CAMTA1: variants seen among roughly 807,000 people sequenced by gnomAD.
CAMTA1 encodes calmodulin-binding transcription activator 1.
Under a neutral mutation model 170.9 loss-of-function variants are expected in CAMTA1, and 27 were observed. The ratio of observed to expected loss-of-function variants is 0.16; its 90% CI spans 0.12 to 0.22. The LOEUF (loss-of-function observed/expected upper bound fraction) is 0.22, where lower values mean the gene tolerates loss of function less well. Among genes scored for constraint, CAMTA1 ranks in the 10% least tolerant of loss-of-function variants. The pLI is 1.00. For synonymous variants in CAMTA1, 833 were observed against 891.5 expected (o/e 0.93, Z 1.17); for missense variants, 1,619 against 2,217.2 (o/e 0.73, Z 5.42).
chr1:7,663,970 A>C lies in CAMTA1; in HGVS notation c.1423A>C (p.Lys475Gln). The C allele has an allele frequency of 1.2e-6, 2 of 1,613,868 alleles. No homozygotes were observed. Among genetic ancestry groups the C allele is most frequent in the Non-Finnish European group, 1.7e-6 (2 of 1,180,032 alleles). The change falls in exon 9 of 23, where the codon AAG becomes CAG. Residue 475 changes from lysine to glutamine, a missense_variant. Physicochemically the swap from Lys to Gln is moderately conservative, Grantham distance 53 (BLOSUM62 1). This residue lies in a region of CAMTA1 where 731 missense variants were observed against 907.6 expected (regional missense o/e 0.81). Coordinates refer to ENST00000303635, the MANE Select transcript of CAMTA1 (RefSeq NM_015215.4). ...CTCCACCACCCTCGACGGTGGCCGG[A>C]AGATTCCAGAAACCACCATGAACTT... Reference protein sequence around the residue: ...VLSTTLDGGRKIPETTMNFDP... With the variant: ...VLSTTLDGGRQIPETTMNFDP...
chr1:7,172,760 G>A (rs1339943642), intron 4 of CAMTA1, among the ~76,000 whole-genome samples: 1 of 152,196 alleles, frequency 6.6e-6, no homozygotes, highest in Non-Finnish European at 1.5e-5. Context: ...CAGAAAGAAG[G>A]ACATTTGCTT....
Position 7,134,408 on chromosome 1 carries a change from C to T in CAMTA1, c.302+43037C>T, listed in dbSNP as rs558483419. On this transcript the variant is annotated intron_variant, in intron 4 of 22. Coordinates refer to ENST00000303635, the MANE Select transcript of CAMTA1 (RefSeq NM_015215.4). ...TTCTTGGGCTCCAGCAATCCTCCAC[C>T]TCAGCCTCCCAAGTAGCTGAAACTA... is the stretch of plus-strand genomic sequence containing the variant. 9.2e-5 allele frequency among the ~76,000 whole-genome samples: 14 copies of T among 152,322 alleles called. No individual in the cohort carries two copies. In the East Asian group the frequency reaches 2.7e-3, roughly 29 times the overall value.
chr1:7,498,934 T>C (rs1347721848), intron 6 of CAMTA1, among the ~76,000 whole-genome samples: 1 of 130,292 alleles, frequency 7.7e-6, no homozygotes, highest in Non-Finnish European at 1.6e-5. Flanking sequence ...AGTGTGTGTG[T>C]GCATGTGTGT....
intron 4 of CAMTA1, among the ~76,000 whole-genome samples, chr1:7,152,145 G>C (rs1341051482): frequency 6.6e-6 from 1 of 152,170 alleles, no homozygotes; most frequent in East Asian, 1.9e-4. Flanking sequence ...CATTAGCTCT[G>C]ACCTCAGCAT....
At chr1:7,271,309 C>T (rs1024554950) in intron 5 of CAMTA1, among the ~76,000 whole-genome samples, 2 of 152,132 alleles carry the variant, frequency 1.3e-5, no homozygotes, top group African/African-American at 4.8e-5. Context: ...TCATCAGAAA[C>T]AAATTTGCTG....
At chr1:7,744,496 G>A (rs1300712906) in intron 16 of CAMTA1, among the ~76,000 whole-genome samples, 2 of 152,110 alleles carry the variant, frequency 1.3e-5, no homozygotes, top group Non-Finnish European at 2.9e-5. Flanking sequence ...AACTAATAGT[G>A]ACACCTCATT....
intron 6 of CAMTA1, among the ~76,000 whole-genome samples, chr1:7,564,318 G>T (rs2095005608): frequency 6.6e-6 from 1 of 152,250 alleles, no homozygotes; most frequent in South Asian, 2.1e-4. Flanking sequence ...CCCGGAGACG[G>T]CGTGCTGTCT....
At chr1:7,625,272 G>C (rs2095625854) in intron 6 of CAMTA1, among the ~76,000 whole-genome samples, 1 of 152,232 alleles carries the variant, frequency 6.6e-6, no homozygotes, top group Non-Finnish European at 1.5e-5. Context: ...GGGGAGACTG[G>C]GGCGGTGGCC....
chr1:7,461,300 C>T (rs1183480465), intron 5 of CAMTA1, among the ~76,000 whole-genome samples: 1 of 152,130 alleles, frequency 6.6e-6, no homozygotes, highest in Non-Finnish European at 1.5e-5. Context: ...AGATCGTGGC[C>T]CCTGGGGTCC....
At chr1:7,686,746 G>A (rs929897268) in intron 11 of CAMTA1, among the ~76,000 whole-genome samples, 12 of 152,276 alleles carry the variant, frequency 7.9e-5, no homozygotes, top group East Asian at 1.9e-4. Flanking sequence ...GGCAAGAGGC[G>A]ATTGTGGCTC....
intron 6 of CAMTA1, among the ~76,000 whole-genome samples, chr1:7,530,927 G>T (rs2094485750): frequency 6.8e-6 from 1 of 146,836 alleles, no homozygotes; most frequent in Non-Finnish European, 1.5e-5. Flanking sequence ...CAATTCTCCT[G>T]CCTCAGCCTC....
chr1:7,329,319 G>A (rs1036402968), intron 5 of CAMTA1, among the ~76,000 whole-genome samples: 17 of 152,062 alleles, frequency 1.1e-4, no homozygotes, highest in African/African-American at 4.1e-4. Context: ...TTAATATTTT[G>A]ACCAATTAAG....
At chr1:7,444,857 C>T (rs2092638912) in intron 5 of CAMTA1, among the ~76,000 whole-genome samples, 1 of 152,206 alleles carries the variant, frequency 6.6e-6, no homozygotes, top group Admixed American at 6.5e-5. Context: ...ACTTGTTCAA[C>T]AAGCAATTGA....
At chr1:7,121,741 G>A (rs1644655177) in intron 4 of CAMTA1, among the ~76,000 whole-genome samples, 1 of 152,146 alleles carries the variant, frequency 6.6e-6, no homozygotes, top group East Asian at 1.9e-4. Context: ...AGTTCTGGCA[G>A]CCCTCCAGAG....
chr1:6,972,979 G>A (rs1692796464), intron 3 of CAMTA1, among the ~76,000 whole-genome samples: 1 of 152,066 alleles, frequency 6.6e-6, no homozygotes, highest in South Asian at 2.1e-4. Context: ...AGCCTCCCAA[G>A]TAGCTGGGAT....
chr1:6,881,921 C>T (rs955911430), intron 3 of CAMTA1, among the ~76,000 whole-genome samples: 10 of 151,958 alleles, frequency 6.6e-5, no homozygotes, highest in African/African-American at 2.4e-4. Flanking sequence ...GAGTGGAGAT[C>T]GCACCACTGC....
intron 5 of CAMTA1, among the ~76,000 whole-genome samples, chr1:7,349,416 A>G (rs1467047737): frequency 6.6e-6 from 1 of 152,192 alleles, no homozygotes; most frequent in African/African-American, 2.4e-5. Flanking sequence ...CTGTCCCTCC[A>G]TATCCCAGAC....
At chr1:7,170,637 C>T (rs896121344) in intron 4 of CAMTA1, among the ~76,000 whole-genome samples, 5 of 152,146 alleles carry the variant, frequency 3.3e-5, no homozygotes, top group Admixed American at 6.5e-5. Context: ...CTGGAAAGGA[C>T]ATGAACTCAT....
At chr1:6,946,188 CT>C (rs58150091) in intron 3 of CAMTA1, among the ~76,000 whole-genome samples, 146 of 145,488 alleles carry the variant, frequency 1.0e-3, no homozygotes, top group Middle Eastern at 3.5e-3. Context: ...TCTTTCTCTT[CT>C]TTTTTTTTTT....
Sources: gnomAD v4.1 joint callset for allele counts (sites outside exome capture counted in the v4.1 genomes callset) on GRCh38, gnomAD v4.1.1 for gene constraint, gnomAD v4.1.1 regional missense constraint, MANE v1.5 for transcripts, NCBI Gene and HGNC (gene_info 2026-07-23, HGNC 2026-07-21) for gene names.